NFASC: variants seen among roughly 807,000 people sequenced by gnomAD.
The protein encoded by NFASC is neurofascin homolog.
A neutral mutation model predicts 147.5 loss-of-function variants in NFASC; 43 were observed. The observed-to-expected ratio is 0.29, with a 90% CI of 0.23 to 0.38. The LOEUF (loss-of-function observed/expected upper bound fraction) is 0.38. Among genes scored for constraint, NFASC ranks in the 10% least tolerant of loss-of-function variants. The pLI, the probability that NFASC is intolerant of heterozygous loss-of-function variation, is 1.00. For missense variants in NFASC, 1,320 were observed against 1,689.0 expected, an observed-to-expected ratio of 0.78 and a Z score of 3.83; for synonymous variants, 622 against 665.5, an observed-to-expected ratio of 0.93 and a Z score of 1.01.
intron 8 of NFASC, among the ~76,000 whole-genome samples, chr1:204,963,273 G>A (rs114582268): frequency 6.6e-6 from 1 of 152,190 alleles, no homozygotes; most frequent in East Asian, 1.9e-4. Context: ...ACCTTTGTTG[G>A]ATTCTAAGCA....
At chr1:204,966,318 C>A (rs145010162) in intron 8 of NFASC, among the ~76,000 whole-genome samples, 2 of 152,088 alleles carry the variant, frequency 1.3e-5, no homozygotes, top group African/African-American at 4.8e-5. Flanking sequence ...GTAAATTAAA[C>A]GTCCATAGGG....
chr1:204,862,565 A>T (rs566424749), intron 1 of NFASC, among the ~76,000 whole-genome samples: 1 of 152,356 alleles, frequency 6.6e-6, no homozygotes, highest in South Asian at 2.1e-4. Flanking sequence ...GGAGTTTTAG[A>T]GAGATCAAGT....
intron 1 of NFASC, among the ~76,000 whole-genome samples, chr1:204,879,655 G>T (rs1394492819): frequency 6.6e-6 from 1 of 152,208 alleles, no homozygotes; most frequent in Non-Finnish European, 1.5e-5. Context: ...AGGACTGTGG[G>T]ATTTATTTTT....
chr1:204,852,791 A>G (rs765013044), intron 1 of NFASC, among the ~76,000 whole-genome samples: 2 of 152,242 alleles, frequency 1.3e-5, no homozygotes, highest in Non-Finnish European at 2.9e-5. Context: ...CTGTGGCACC[A>G]TGGAGCTCTC....
intron 5 of NFASC, among the ~76,000 whole-genome samples, chr1:204,953,725 G>A (rs1401125658): frequency 6.6e-6 from 1 of 152,214 alleles, no homozygotes; most frequent in East Asian, 1.9e-4. Context: ...GGTGGCAGGA[G>A]GAGCAGAGCC....
At chr1:204,876,333 G>C (rs1284058910) in intron 1 of NFASC, among the ~76,000 whole-genome samples, 1 of 151,864 alleles carries the variant, frequency 6.6e-6, no homozygotes, top group Non-Finnish European at 1.5e-5. Context: ...ATATTTTAAG[G>C]ATACTTTCAG....
intron 2 of NFASC, among the ~76,000 whole-genome samples, chr1:204,940,286 C>G (rs2093268995): frequency 6.6e-6 from 1 of 152,118 alleles, no homozygotes; most frequent in South Asian, 2.1e-4. Flanking sequence ...AACTCTGTCT[C>G]TACTAAAAAT....
Position 205,022,084 on chromosome 1 carries a change from T to G in NFASC, c.*5545T>G, listed in dbSNP as rs2096403890. On this transcript the variant is annotated 3_prime_UTR_variant, in exon 30 of 30. Transcript: ENST00000339876. ...ATTTGCTGGGCTGGAGTTCAACAGA[T>G]GTAAAGACTTCAGTGAAGCAATAAA... 6.6e-6 allele frequency: 1 copy of G among 152,626 alleles called. No homozygotes were observed. The highest frequency in any genetic ancestry group is 2.4e-5 in the African/African-American group (1 of 41,456). The allele number at this position is 152,626 out of a possible 1,614,324, so 9.5% of individuals were successfully genotyped here. A position where few individuals can be genotyped will look rare whatever the true frequency, so the allele number is the denominator to read the frequency against.
chr1:205,000,860 T>G, intron 25 of NFASC: 1 of 399,632 alleles, frequency 2.5e-6, no homozygotes, highest in Non-Finnish European at 4.6e-6. Context: ...AAAAACTCTT[T>G]CATTCCTAAC....
At chr1:204,978,154 G>A (rs1160955075) in intron 17 of NFASC, among the ~76,000 whole-genome samples, 3 of 152,194 alleles carry the variant, frequency 2.0e-5, no homozygotes, top group African/African-American at 4.8e-5. Flanking sequence ...ATACGTGAAC[G>A]TGGGCCTGTA....
In NFASC at chr1:204,987,278, C is replaced by T. The variant is rs2095635133; in HGVS notation, c.2471-140C>T. ...GGGCTCCGGTCGTCTCACGGTTCTC[C>T]CAGGCTTCAGTTTAGCAGTGTCGAG... On this transcript the variant is annotated intron_variant, in intron 21 of 29. Transcript: ENST00000339876. The surrounding 1 kb of genome is among the most constrained non-coding windows in gnomAD (Gnocchi z 4.4). 1.4e-5 allele frequency: 11 copies of T among 784,160 alleles called. No individual in the cohort carries two copies. In the Admixed American group the frequency reaches 2.8e-4, roughly 20 times the overall value. 48.6% of individuals were successfully genotyped at this position (784,160 alleles called of 1,614,324 possible).
Position 204,997,286 on chromosome 1 carries a change from G to C in NFASC, c.2899G>C (p.Ala967Pro), listed in dbSNP as rs566469690. The C allele has an allele frequency of 1.2e-6, 2 of 1,609,998 alleles. No homozygotes were observed. Among genetic ancestry groups the C allele is most frequent in the East Asian group, 4.5e-5 (2 of 44,616 alleles). ...AACAGTCCCCATCATCCCAACTGTC[G>C]CACCTACCACCATCGCCACCACCAC... ...ATTVPIIPTV[A>P]PTTIATTTTV... Residue 967 changes from alanine (A) to proline (P), a missense_variant, in exon 25 of 30, where the codon GCA (alanine) becomes CCA (proline). Around this residue, in one of 3 missense-constraint regions of NFASC, gnomAD observed 172 missense variants for 165.8 expected, o/e 1.04. Transcript: ENST00000339876.
chr1:205,000,450 A>C (rs1190351816), intron 25 of NFASC: 1 of 152,492 alleles, frequency 6.6e-6, no homozygotes, highest in African/African-American at 2.4e-5. Flanking sequence ...AAATCTCATC[A>C]AGACTCGCGG....
At chr1:204,886,705 G>T (rs1392853824) in intron 1 of NFASC, among the ~76,000 whole-genome samples, 1 of 152,180 alleles carries the variant, frequency 6.6e-6, no homozygotes, top group Non-Finnish European at 1.5e-5. Context: ...AGTAAACTGA[G>T]GCCCAGGGAG....
intron 1 of NFASC, among the ~76,000 whole-genome samples, chr1:204,915,339 A>G (rs1464090587): frequency 6.6e-6 from 1 of 152,208 alleles, no homozygotes; most frequent in Admixed American, 6.5e-5. Context: ...GAATATAGAA[A>G]GATATCTAAG....
At chr1:204,947,893 C>A (rs2093867473) in intron 3 of NFASC, among the ~76,000 whole-genome samples, 1 of 152,112 alleles carries the variant, frequency 6.6e-6, no homozygotes, top group African/African-American at 2.4e-5. Flanking sequence ...CACTCACGCT[C>A]ACACCTGCTC....
At chr1:204,850,746 C>T (rs2075609434) in intron 1 of NFASC, among the ~76,000 whole-genome samples, 1 of 152,228 alleles carries the variant, frequency 6.6e-6, no homozygotes, top group Non-Finnish European at 1.5e-5. Flanking sequence ...TCTGTACAGC[C>T]TGTGGAACTG....
chr1:204,970,783 C>G, intron 11 of NFASC, 36 bp downstream of exon 11: 1 of 1,613,608 alleles, frequency 6.2e-7, no homozygotes, highest in Non-Finnish European at 8.5e-7. Context: ...TGACTCTCAT[C>G]TCTCTGCTGT....
chr1:204,969,666 G>A (rs1291685361), intron 10 of NFASC, among the ~76,000 whole-genome samples: 2 of 152,190 alleles, frequency 1.3e-5, no homozygotes, highest in African/African-American at 4.8e-5. Context: ...GACTTTGAGG[G>A]GTAGGGGGTG....
Sources: allele counts gnomAD v4.1 joint callset (sites outside exome capture counted in the v4.1 genomes callset), GRCh38; gene constraint gnomAD v4.1.1; regional missense constraint gnomAD v4.1.1; non-coding constraint Gnocchi (gnomAD v3.1); transcripts MANE v1.5; gene names NCBI Gene and HGNC (gene_info 2026-07-23, HGNC 2026-07-21).